PDZRN4: variants seen among roughly 807,000 people sequenced by gnomAD.
PDZRN4 encodes the protein PDZ domain-containing RING finger protein 4.
In PDZRN4, 70 loss-of-function variants were observed where a neutral mutation model predicts 99.0. The ratio of observed to expected loss-of-function variants is 0.71; its 90% CI spans 0.58 to 0.86. The LOEUF is 0.86. PDZRN4 is among the 40% of genes least tolerant of loss of function. The probability of loss-of-function intolerance (pLI) is 0.00; values close to 1 mark genes in which losing one functional copy is unlikely to be tolerated. For synonymous variants in PDZRN4, 551 were observed against 501.6 expected (o/e 1.10, Z -1.32); for missense variants, 1,474 against 1,331.2 (o/e 1.11, Z -1.67).
chr12:41,381,580 AT>A (rs1952127016), intron 3 of PDZRN4, among the ~76,000 whole-genome samples: 1 of 151,838 alleles, frequency 6.6e-6, no homozygotes, highest in South Asian at 2.1e-4. Context: ...TTTTCTCTCT[AT>A]AGTTTAAAAA....
At chr12:41,363,946 TA>T (rs1160938852) in intron 3 of PDZRN4, among the ~76,000 whole-genome samples, 4 of 152,050 alleles carry the variant, frequency 2.6e-5, no homozygotes, top group African/African-American at 4.8e-5. Context: ...GAGGAGAGAA[TA>T]AAGAAAGAAA....
intron 6 of PDZRN4, 35 bp downstream of exon 6, chr12:41,552,789 G>A (rs770528043): frequency 3.3e-6 from 5 of 1,501,858 alleles, no homozygotes; most frequent in Non-Finnish European, 3.7e-6. Flanking sequence ...TTCGAGGAGG[G>A]AGACTAGGAA....
chr12:41,571,157 A>G (rs1005623054), intron 9 of PDZRN4, among the ~76,000 whole-genome samples: 2 of 152,158 alleles, frequency 1.3e-5, no homozygotes, highest in Admixed American at 1.3e-4. Context: ...ATATATATAT[A>G]TAGTGAATAA....
intron 3 of PDZRN4, among the ~76,000 whole-genome samples, chr12:41,216,531 A>G (rs533102227): frequency 1.3e-5 from 2 of 152,168 alleles, no homozygotes; most frequent in South Asian, 4.1e-4. Context: ...AAACCAGGAA[A>G]AACTTTGAGT....
intron 5 of PDZRN4, among the ~76,000 whole-genome samples, chr12:41,533,181 T>TC: frequency 1.6e-5 from 1 of 61,624 alleles, no homozygotes; most frequent in Non-Finnish European, 3.2e-5. Flanking sequence ...TTTTCTTTTC[T>TC]TTTTTTTTTT....
At chr12:41,212,899 A>G (rs1950897192) in intron 3 of PDZRN4, among the ~76,000 whole-genome samples, 1 of 152,118 alleles carries the variant, frequency 6.6e-6, no homozygotes, top group African/African-American at 2.4e-5. Context: ...TGATAGGAAA[A>G]GGCTTAGTGT....
intron 3 of PDZRN4, among the ~76,000 whole-genome samples, chr12:41,389,737 G>C (rs1421319862): frequency 6.6e-6 from 1 of 152,196 alleles, no homozygotes; most frequent in African/African-American, 2.4e-5. Flanking sequence ...ACTATGACTT[G>C]TCAATTCTTA....
chr12:41,204,188 T>A (rs1950833873), intron 3 of PDZRN4, among the ~76,000 whole-genome samples: 1 of 152,020 alleles, frequency 6.6e-6, no homozygotes, highest in African/African-American at 2.4e-5. Context: ...TCTTTTATTC[T>A]CTTCATTGCA....
intron 3 of PDZRN4, among the ~76,000 whole-genome samples, chr12:41,431,964 A>G (rs902655126): frequency 2.0e-5 from 3 of 152,248 alleles, no homozygotes; most frequent in Non-Finnish European, 2.9e-5. Flanking sequence ...GTTTTCCAGC[A>G]TTAGAAATCT....
intron 5 of PDZRN4, among the ~76,000 whole-genome samples, chr12:41,549,112 C>T (rs1027778437): frequency 4.6e-5 from 7 of 152,152 alleles, no homozygotes; most frequent in African/African-American, 1.7e-4. Flanking sequence ...GTTAGCGCTG[C>T]CATCCATGCA....
intron 3 of PDZRN4, among the ~76,000 whole-genome samples, chr12:41,497,772 G>A (rs1348106743): frequency 6.6e-6 from 1 of 151,990 alleles, no homozygotes; most frequent in East Asian, 1.9e-4. Context: ...TTGCTTGTAG[G>A]GATATGTGTG....
chr12:41,398,273 T>G (rs1952264881), intron 3 of PDZRN4, among the ~76,000 whole-genome samples: 1 of 151,928 alleles, frequency 6.6e-6, no homozygotes, highest in African/African-American at 2.4e-5. Flanking sequence ...GAAACTAGAG[T>G]TTTAAATTAA....
At chr12:41,339,967 G>C (rs1157082749) in intron 3 of PDZRN4, among the ~76,000 whole-genome samples, 3 of 152,042 alleles carry the variant, frequency 2.0e-5, no homozygotes, top group African/African-American at 7.2e-5. Context: ...TTTGTGCACT[G>C]TTGGTGGTTA....
chr12:41,497,610 C>A (rs1008579521), intron 3 of PDZRN4, among the ~76,000 whole-genome samples: 2 of 152,148 alleles, frequency 1.3e-5, no homozygotes, highest in East Asian at 1.9e-4. Context: ...TATAAAAAGT[C>A]TTTTTGTAGT....
intron 3 of PDZRN4, among the ~76,000 whole-genome samples, chr12:41,214,054 T>C (rs2120706329): frequency 6.6e-6 from 1 of 152,010 alleles, no homozygotes; most frequent in Admixed American, 6.6e-5. Flanking sequence ...AGTGACTGTA[T>C]GGTTTGTACT....
In PDZRN4 at chr12:41,188,558, C is replaced by T. The variant is rs1406035470; in HGVS notation, c.103C>T (p.His35Tyr). 1.3e-6 allele frequency: 2 copies of T among 1,555,586 alleles called. No homozygotes were observed. Among genetic ancestry groups the T allele is most frequent in the East Asian group, 2.4e-5 (1 of 42,032 alleles). ...LEEPLCTPCG[H>Y]VFCASCLLPW... The stretch of plus-strand genomic sequence containing the variant: ...AGAGCCCCTGTGCACGCCGTGCGGG[C>T]ACGTCTTCTGCGCCAGCTGCCTGTT... The change falls in exon 1 of 10, where the codon CAC (histidine) becomes TAC (tyrosine). Residue 35 changes from histidine to tyrosine, a missense_variant. Coordinates refer to ENST00000402685, the MANE Select transcript of PDZRN4 (RefSeq NM_001164595.2).
At chr12:41,290,158 C>T (rs1227645793) in intron 3 of PDZRN4, among the ~76,000 whole-genome samples, 2 of 152,172 alleles carry the variant, frequency 1.3e-5, no homozygotes, top group African/African-American at 2.4e-5. Flanking sequence ...AGCATCCCTA[C>T]CATAAGCTCA....
chr12:41,333,991 A>G (rs537546765), intron 3 of PDZRN4, among the ~76,000 whole-genome samples: 3 of 152,166 alleles, frequency 2.0e-5, no homozygotes, highest in Non-Finnish European at 4.4e-5. Context: ...TCTCTTTCTA[A>G]TTCCACTTGG....
intron 3 of PDZRN4, among the ~76,000 whole-genome samples, chr12:41,401,886 G>A (rs929404879): frequency 5.9e-5 from 9 of 151,368 alleles, no homozygotes; most frequent in African/African-American, 2.2e-4. Context: ...GTTGTGTGAA[G>A]CATTAAATTC....
Sources: gnomAD v4.1 joint callset for allele counts (sites outside exome capture counted in the v4.1 genomes callset) on GRCh38, gnomAD v4.1.1 for gene constraint, MANE v1.5 for transcripts, NCBI Gene and HGNC (gene_info 2026-07-23, HGNC 2026-07-21) for gene names.